SLC8A3: variants seen among roughly 807,000 people sequenced by gnomAD.
SLC8A3 encodes solute carrier family 8 member A3, also known as sodium/calcium exchanger 3.
SLC8A3 carries 37 observed loss-of-function variants against 65.4 expected under a neutral mutation model. The observed-to-expected ratio is 0.57, with a 90% confidence interval of 0.44 to 0.74. SLC8A3 has a LOEUF of 0.74. Ranked by LOEUF, SLC8A3 falls within the 30% of genes least tolerant of loss-of-function variation. The probability of loss-of-function intolerance (pLI) is 0.00; values close to 1 mark genes in which losing one functional copy is unlikely to be tolerated. For missense variants in SLC8A3, 1,112 were observed against 1,172.1 expected, an observed-to-expected ratio of 0.95 and a Z score of 0.75; for synonymous variants, 461 against 444.5, an observed-to-expected ratio of 1.04 and a Z score of -0.47.
chr14:70,056,925 A>G (rs1008779695), intron 3 of SLC8A3, among the ~76,000 whole-genome samples: 7 of 152,310 alleles, frequency 4.6e-5, no homozygotes, highest in East Asian at 1.9e-4. Flanking sequence ...TTTCATTTCT[A>G]TGATATCTTA....
intron 2 of SLC8A3, among the ~76,000 whole-genome samples, chr14:70,143,137 T>C (rs1163245334): frequency 2.6e-5 from 4 of 152,300 alleles, no homozygotes; most frequent in South Asian, 4.1e-4. Flanking sequence ...TGCTCACAGA[T>C]TTTTTGACTT....
At chr14:70,106,262 T>C (rs901995994) in intron 2 of SLC8A3, among the ~76,000 whole-genome samples, 1 of 152,162 alleles carries the variant, frequency 6.6e-6, no homozygotes, top group Non-Finnish European at 1.5e-5. Context: ...CGCATGTGCC[T>C]CTTATCTCAC....
chr14:70,081,862 G>C (rs1352411039), intron 2 of SLC8A3, among the ~76,000 whole-genome samples: 7 of 152,202 alleles, frequency 4.6e-5, no homozygotes, highest in African/African-American at 1.7e-4. Flanking sequence ...TATGAAAAAT[G>C]AAGGAGATTC....
chr14:70,110,682 T>C (rs920414966), intron 2 of SLC8A3, among the ~76,000 whole-genome samples: 12 of 132,364 alleles, frequency 9.1e-5, no homozygotes, highest in East Asian at 4.1e-4. Flanking sequence ...TCTTTTTTTT[T>C]TTTTTTTTTT....
intron 2 of SLC8A3, among the ~76,000 whole-genome samples, chr14:70,165,529 C>T (rs567081580): frequency 5.9e-5 from 9 of 152,304 alleles, no homozygotes; most frequent in South Asian, 2.1e-4. Flanking sequence ...TCTCCTGCCA[C>T]GCTTATTATT....
chr14:70,060,814 T>G, intron 3 of SLC8A3, 22 bp downstream of exon 3: 1 of 1,157,210 alleles, frequency 8.6e-7, no homozygotes, highest in Non-Finnish European at 1.3e-6. Flanking sequence ...TTTTGTTGTT[T>G]TGTTTTTAAA....
At chr14:70,132,875 A>G (rs1894939889) in intron 2 of SLC8A3, among the ~76,000 whole-genome samples, 1 of 152,140 alleles carries the variant, frequency 6.6e-6, no homozygotes, top group South Asian at 2.1e-4. Flanking sequence ...GGAGATCTTC[A>G]AATCTGTTTT....
chr14:70,170,636 A>C (rs1340547262), intron 1 of SLC8A3, among the ~76,000 whole-genome samples: 1 of 152,232 alleles, frequency 6.6e-6, no homozygotes, highest in Non-Finnish European at 1.5e-5. Context: ...TTCATAGACA[A>C]AACCAGACTG....
chr14:70,052,222 G>A, intron 3 of SLC8A3, 108 bp from the exon 4 acceptor site: 1 of 1,338,124 alleles, frequency 7.5e-7, no homozygotes, highest in South Asian at 1.8e-5. Context: ...ATAACTCTTG[G>A]GAATGGGGAG....
In SLC8A3 at chr14:70,168,085, G is replaced by T; in HGVS notation, c.338C>A (p.Thr113Lys). The change falls in exon 2 of 7, where the codon ACA (threonine) becomes AAA (lysine). Residue 113 changes from threonine (T) to lysine (K), a missense_variant. Transcript: ENST00000356921. ...EVITSQEREV[T>K]IKKPNGETST... The stretch of plus-strand genomic sequence containing the variant: ...GGTTTCTCCATTGGGTTTCTTAATT[G>T]TCACCTCCCTCTCTTGAGAGGTGAT... 6.2e-7 allele frequency: 1 copy of T among 1,614,062 alleles called. No individual in the cohort carries two copies. Among genetic ancestry groups the T allele is most frequent in the South Asian group, 1.1e-5 (1 of 91,078 alleles).
intron 2 of SLC8A3, among the ~76,000 whole-genome samples, chr14:70,061,378 A>G (rs531694088): frequency 1.3e-5 from 2 of 152,324 alleles, no homozygotes; most frequent in African/African-American, 4.8e-5. Context: ...CCCACTGGGA[A>G]TAACCCAGGG....
intron 1 of SLC8A3, among the ~76,000 whole-genome samples, chr14:70,177,138 C>T (rs1001080315): frequency 3.3e-5 from 5 of 152,218 alleles, no homozygotes; most frequent in Non-Finnish European, 7.3e-5. Flanking sequence ...TCTGATATTT[C>T]TGTATGCCCA....
At position 70,148,401 on chromosome 14, in the gene SLC8A3, G is replaced by T. The variant is rs376921734; in HGVS notation, c.1784+18238C>A. Among the ~76,000 whole-genome samples, 4 of 152,226 alleles carry T rather than the reference G, an allele frequency of 2.6e-5. No homozygotes were observed. In the East Asian group the frequency reaches 7.7e-4, roughly 29 times the overall value. On this transcript the variant is annotated intron_variant, in intron 2 of 6. Transcript: ENST00000356921. ...GTTTGCTTGCTTGCTTGTTTAGTTG[G>T]CATGGGAGAGGGTTGGCAGAAGAGG...
chr14:70,050,826 A>G (rs1887408726), intron 5 of SLC8A3, among the ~76,000 whole-genome samples, 182 bp downstream of exon 5: 1 of 152,224 alleles, frequency 6.6e-6, no homozygotes, highest in African/African-American at 2.4e-5. Flanking sequence ...ATTTGAAACC[A>G]GAGATAACCA....
chr14:70,126,165 C>T (rs1046719397), intron 2 of SLC8A3, among the ~76,000 whole-genome samples: 6 of 152,114 alleles, frequency 3.9e-5, no homozygotes, highest in Admixed American at 1.3e-4. Context: ...TATTTTCTTT[C>T]ATTTTGTTCT....
At chr14:70,082,869 G>T (rs527517637) in intron 2 of SLC8A3, among the ~76,000 whole-genome samples, 1 of 152,274 alleles carries the variant, frequency 6.6e-6, no homozygotes, top group South Asian at 2.1e-4. Flanking sequence ...AATACTGATG[G>T]AAATGCTCTT....
intron 2 of SLC8A3, among the ~76,000 whole-genome samples, chr14:70,141,835 A>G (rs1390345841): frequency 1.3e-5 from 2 of 152,222 alleles, no homozygotes; most frequent in Non-Finnish European, 2.9e-5. Flanking sequence ...ATCAGTACCT[A>G]TCTTATATCA....
chr14:70,058,691 C>T (rs965949737), intron 3 of SLC8A3, among the ~76,000 whole-genome samples: 5 of 152,312 alleles, frequency 3.3e-5, no homozygotes, highest in Non-Finnish European at 5.9e-5. Context: ...CACTCTCTGT[C>T]CTGCTGTTGG....
intron 2 of SLC8A3, among the ~76,000 whole-genome samples, chr14:70,141,316 A>G (rs1328230343): frequency 1.3e-5 from 2 of 152,234 alleles, no homozygotes; most frequent in Non-Finnish European, 2.9e-5. Flanking sequence ...TATGGTAGAC[A>G]TTATTATACC....
Sources: allele counts gnomAD v4.1 joint callset (sites outside exome capture counted in the v4.1 genomes callset), GRCh38; gene constraint gnomAD v4.1.1; transcripts MANE v1.5; gene names NCBI Gene and HGNC (gene_info 2026-07-23, HGNC 2026-07-21).